SNTG1: variants seen among roughly 807,000 people sequenced by gnomAD.
The protein encoded by SNTG1 is syntrophin gamma 1.
A neutral mutation model predicts 74.7 loss-of-function variants in SNTG1; 39 were observed. The observed-to-expected ratio is 0.52, with a 90% CI of 0.40 to 0.68. The LOEUF is 0.68. Ranked by LOEUF, SNTG1 falls within the 30% of genes least tolerant of loss-of-function variation. The pLI is 0.00. For synonymous variants in SNTG1, 254 were observed against 217.1 expected (o/e 1.17, Z -1.49); for missense variants, 685 against 609.5 (o/e 1.12, Z -1.30).
chr8:50,254,915 C>G (rs1414772557), intron 2 of SNTG1, among the ~76,000 whole-genome samples: 2 of 146,312 alleles, frequency 1.4e-5, no homozygotes, highest in African/African-American at 5.0e-5. Context: ...AAGACTTCTG[C>G]TGCTGGAGGC....
At chr8:50,175,637 C>T (rs1586590751) in intron 2 of SNTG1, among the ~76,000 whole-genome samples, 2 of 152,120 alleles carry the variant, frequency 1.3e-5, no homozygotes, top group South Asian at 4.1e-4. Context: ...TTCAAAGTAT[C>T]ATGCACAGTA....
intron 2 of SNTG1, among the ~76,000 whole-genome samples, chr8:50,289,160 T>C (rs1170008433): frequency 6.6e-6 from 1 of 152,156 alleles, no homozygotes; most frequent in Non-Finnish European, 1.5e-5. Context: ...GACTACTATA[T>C]AAATATTTCA....
At chr8:50,530,293 G>C (rs745516545) in intron 10 of SNTG1, 34 bp downstream of exon 10, 1 of 1,592,868 alleles carries the variant, frequency 6.3e-7, no homozygotes, top group African/African-American at 1.3e-5. Flanking sequence ...AGATTAATAA[G>C]GAGATAACAC....
intron 15 of SNTG1, among the ~76,000 whole-genome samples, chr8:50,678,626 T>C (rs939319077): frequency 7.7e-6 from 1 of 129,132 alleles, no homozygotes; most frequent in Non-Finnish European, 1.5e-5. Context: ...TTGGGGACTT[T>C]AAAATTTTGT....
chr8:50,792,713 C>A lies in SNTG1; in HGVS notation c.1438C>A (p.His480Asn). ...SNLFAVLHCI[H>N]SFFAAKVACL... Reference sequence around the variant, plus strand: ...TTTATTTGCTGTTCTTCACTGCATTCATTCCTTCTTTGCTGCCAAGGTAGC... The same window carrying A: ...TTTATTTGCTGTTCTTCACTGCATTAATTCCTTCTTTGCTGCCAAGGTAGC... Residue 480 changes from histidine to asparagine, a missense_variant, in exon 19 of 19, where the codon CAT (histidine) becomes AAT (asparagine). Coordinates refer to ENST00000642720, the MANE Select transcript of SNTG1 (RefSeq NM_018967.5). 6.2e-7 allele frequency: 1 copy of A among 1,612,282 alleles called. No homozygotes were observed. Among genetic ancestry groups the A allele is most frequent in the Non-Finnish European group, 8.5e-7 (1 of 1,178,784 alleles).
intron 2 of SNTG1, among the ~76,000 whole-genome samples, chr8:50,267,712 T>C (rs2087555022): frequency 6.6e-6 from 1 of 152,160 alleles, no homozygotes; most frequent in Non-Finnish European, 1.5e-5. Flanking sequence ...TATATAGTAG[T>C]ATCATTTGAT....
intron 1 of SNTG1, among the ~76,000 whole-genome samples, chr8:49,983,922 G>T (rs966547475): frequency 1.3e-5 from 2 of 152,276 alleles, no homozygotes; most frequent in Middle Eastern, 3.4e-3. Context: ...CTGTGGCCTT[G>T]GTAGGATTTA....
At position 50,591,301 on chromosome 8, in the gene SNTG1, C is replaced by A. The variant is rs190261969; in HGVS notation, c.849+384C>A. ...CACAATTTGCTGACAGTATTTCAAA[C>A]GAGTCTAAGTTAATGCATAGAACAA... On this transcript the variant is annotated intron_variant, in intron 13 of 18. Transcript: ENST00000642720. 4.3e-3 allele frequency among the ~76,000 whole-genome samples: 649 copies of A among 152,058 alleles called. 9 individuals carry two copies. The highest frequency in any genetic ancestry group is 0.014 in the African/African-American group (587 of 41,508).
At chr8:50,203,993 T>G (rs1563734863) in intron 2 of SNTG1, among the ~76,000 whole-genome samples, 2 of 152,050 alleles carry the variant, frequency 1.3e-5, no homozygotes, top group Non-Finnish European at 2.9e-5. Context: ...GACCTGTCAG[T>G]TTTATAAGGT....
chr8:50,773,081 A>G (rs2095631391), intron 18 of SNTG1, among the ~76,000 whole-genome samples: 1 of 152,128 alleles, frequency 6.6e-6, no homozygotes. Flanking sequence ...ATATTCTATT[A>G]TAGCAACACA....
intron 18 of SNTG1, among the ~76,000 whole-genome samples, chr8:50,755,275 C>G (rs776908341): frequency 4.0e-5 from 6 of 151,724 alleles, no homozygotes; most frequent in Non-Finnish European, 7.4e-5. Context: ...ATCTTCCCCC[C>G]ACCCCAAGAA....
intron 2 of SNTG1, among the ~76,000 whole-genome samples, chr8:50,263,054 C>T (rs1379616876): frequency 6.6e-6 from 1 of 152,106 alleles, no homozygotes; most frequent in East Asian, 1.9e-4. Context: ...TGTCATTATA[C>T]TCTTGTCCAA....
intron 2 of SNTG1, among the ~76,000 whole-genome samples, chr8:50,351,115 G>A (rs1300003062): frequency 6.6e-6 from 1 of 152,210 alleles, no homozygotes; most frequent in South Asian, 2.1e-4. Context: ...CTTACATGGT[G>A]TTGGCAGGTA....
At chr8:50,581,924 T>G (rs1230698186) in intron 12 of SNTG1, among the ~76,000 whole-genome samples, 1 of 152,210 alleles carries the variant, frequency 6.6e-6, no homozygotes, top group Non-Finnish European at 1.5e-5. Flanking sequence ...TTGCAAGCCA[T>G]GCAAAGGATA....
intron 13 of SNTG1, among the ~76,000 whole-genome samples, chr8:50,611,332 T>A (rs1327004581): frequency 6.6e-6 from 1 of 152,134 alleles, no homozygotes; most frequent in Non-Finnish European, 1.5e-5. Context: ...GGCAAGGACA[T>A]TTCTTCGTGA....
At position 50,119,079 on chromosome 8, in the gene SNTG1, AAAACAAAC is replaced by A. The variant is rs201543508; in HGVS notation, c.-102-53466_-102-53459del. On this transcript the variant is annotated intron_variant, in intron 1 of 18. Coordinates refer to ENST00000642720, the MANE Select transcript of SNTG1 (RefSeq NM_018967.5). ...TGGTGCTCAGAAACTACATGGAAGC[AAAACAAAC>A]AAACAAACAAACAAAACACCTCTGG... Among the ~76,000 whole-genome samples the A allele has an allele frequency of 4.9e-5, 7 of 141,496 alleles. No homozygotes were observed. In the East Asian group the frequency reaches 1.4e-3, roughly 29 times the overall value. The allele number at this position is 141,496 out of a possible 152,430, so 92.8% of individuals were successfully genotyped here. A position where few individuals can be genotyped will look rare whatever the true frequency, so the allele number is the denominator to read the frequency against.
intron 1 of SNTG1, among the ~76,000 whole-genome samples, chr8:50,021,945 A>AT (rs1816855927): frequency 1.4e-5 from 2 of 146,438 alleles, no homozygotes; most frequent in South Asian, 2.1e-4. Context: ...TCTCAAAAAA[A>AT]AAATAAAAAT....
intron 2 of SNTG1, among the ~76,000 whole-genome samples, chr8:50,249,569 C>T (rs2086556421): frequency 6.6e-6 from 1 of 152,210 alleles, no homozygotes; most frequent in African/African-American, 2.4e-5. Context: ...GTGACCCTGA[C>T]AATTCAGAAG....
chr8:50,098,950 G>T (rs1440520770), intron 1 of SNTG1, among the ~76,000 whole-genome samples: 1 of 152,058 alleles, frequency 6.6e-6, no homozygotes, highest in Non-Finnish European at 1.5e-5. Flanking sequence ...TCTGTAGGAG[G>T]TAAACAATGT....
Sources: allele counts gnomAD v4.1 joint callset (sites outside exome capture counted in the v4.1 genomes callset), GRCh38; gene constraint gnomAD v4.1.1; transcripts MANE v1.5; gene names NCBI Gene and HGNC (gene_info 2026-07-23, HGNC 2026-07-21).